LIMS2: variants seen among roughly 807,000 people sequenced by gnomAD.
LIMS2 encodes LIM zinc finger domain containing 2.
A neutral mutation model predicts 45.3 loss-of-function variants in LIMS2; 30 were observed. The observed-to-expected ratio is 0.66, with a 90% CI of 0.50 to 0.90. The LOEUF is 0.90. Ranked by LOEUF, LIMS2 falls within the 40% of genes least tolerant of loss-of-function variation. The pLI is 0.00. For synonymous variants in LIMS2, 173 were observed against 188.0 expected, an observed-to-expected ratio of 0.92 and a Z score of 0.65; for missense variants, 485 against 468.7, an observed-to-expected ratio of 1.03 and a Z score of -0.32.
At chr2:127,648,764 T>C (rs979921758) in intron 4 of LIMS2, among the ~76,000 whole-genome samples, 1 of 151,200 alleles carries the variant, frequency 6.6e-6, no homozygotes, top group Non-Finnish European at 1.5e-5. Flanking sequence ...TACCAAAAAA[T>C]ACAAAAATTA....
At chr2:127,661,218 C>T (rs1684631216) in intron 1 of LIMS2, among the ~76,000 whole-genome samples, 1 of 152,202 alleles carries the variant, frequency 6.6e-6, no homozygotes, top group Non-Finnish European at 1.5e-5. Flanking sequence ...CAGCCTGGGA[C>T]CTGGAGAGAG....
rs377569712 is a variant in LIMS2 at position 127,653,666 on chromosome 2, G to C, written c.359+758C>G. Among the ~76,000 whole-genome samples, 3 of 152,050 alleles carry C rather than the reference G, an allele frequency of 2.0e-5. 1 individual carries two copies. Among genetic ancestry groups the C allele is most frequent in the African/African-American group, 7.3e-5 (3 of 41,376 alleles). On this transcript the variant is annotated intron_variant, in intron 4 of 9. Coordinates refer to ENST00000355119, the MANE Select transcript of LIMS2 (RefSeq NM_001161403.3). This position sits in a 1 kb window ranked among gnomAD's most constrained non-coding sequence, Gnocchi z 5.3. ...AACTCAGGGTCCCGGGTGCCAGAAGGGGGGCGTTTCTGCACCTCAGCAGCT... is the reference window on the plus strand; with the variant it reads ...AACTCAGGGTCCCGGGTGCCAGAAGCGGGGCGTTTCTGCACCTCAGCAGCT...
At chr2:127,656,968 G>A (rs1477820797) in intron 2 of LIMS2, among the ~76,000 whole-genome samples, 1 of 152,174 alleles carries the variant, frequency 6.6e-6, no homozygotes, top group Non-Finnish European at 1.5e-5. Context: ...GGTGCCCTCT[G>A]CCCAGTATGT....
chr2:127,651,225 G>A, intron 4 of LIMS2: 1 of 1,608,184 alleles, frequency 6.2e-7, no homozygotes, highest in Middle Eastern at 1.7e-4. Flanking sequence ...TGTGGCCATG[G>A]CCCCGCTGCT....
At position 127,640,232 on chromosome 2, in the gene LIMS2, A is replaced by C. The variant is rs149020547; in HGVS notation, c.802+38T>G. 5.9e-4 allele frequency: 955 copies of C among 1,612,778 alleles called. 12 individuals are homozygous for C. In the East Asian group the frequency reaches 0.019, roughly 33 times the overall value. ...ACAGCTGCAGCACCCAGGCCCCAGG[A>C]GAGCAGGTGGGGTGGGGGAGGGAAC... is the stretch of plus-strand genomic sequence containing the variant. On this transcript the variant is annotated intron_variant, in intron 8 of 9. Coordinates refer to ENST00000355119, the MANE Select transcript of LIMS2 (RefSeq NM_001161403.3).
chr2:127,672,329 C>A lies in LIMS2; in HGVS notation c.11+2685G>T, dbSNP rs939677951. ...TCCCTGAGTTGCTGCTGAGGCCGAGCCCCCTCTCTTCCCACGGCGTGCCAC... is the reference window on the plus strand; with the variant it reads ...TCCCTGAGTTGCTGCTGAGGCCGAGACCCCTCTCTTCCCACGGCGTGCCAC... On this transcript the variant is annotated intron_variant, in intron 1 of 9. Coordinates refer to ENST00000355119, the MANE Select transcript of LIMS2 (RefSeq NM_001161403.3). The surrounding 1 kb of genome is among the most constrained non-coding windows in gnomAD (Gnocchi z 4.9). Among the ~76,000 whole-genome samples, 4 of 152,140 alleles carry A rather than the reference C, an allele frequency of 2.6e-5. No homozygotes were observed. Among genetic ancestry groups the A allele is most frequent in the African/African-American group, 9.7e-5 (4 of 41,406 alleles).
At chr2:127,648,984 GA>G (rs1176595612) in intron 4 of LIMS2, among the ~76,000 whole-genome samples, 211 of 24,256 alleles carry the variant, frequency 8.7e-3, no homozygotes, top group Non-Finnish European at 0.012. Context: ...GGAGGGAGGG[GA>G]GGGGAGGGAG....
At chr2:127,650,101 C>T (rs370188760) in intron 4 of LIMS2, 140 of 1,585,428 alleles carry the variant, frequency 8.8e-5, no homozygotes, top group African/African-American at 3.5e-4. Context: ...AGACCTCTGA[C>T]GTCCCAGGGT....
rs147650617 is a variant in LIMS2, at chr2:127,672,001, C to T, written c.11+3013G>A. The stretch of plus-strand genomic sequence containing the variant: ...GGGGCAAGATTGGTGGATATGAGGG[C>T]AGGGATCTAGCAGCCTGCTCTGCGC... On this transcript the variant is annotated intron_variant, in intron 1 of 9. Transcript: ENST00000355119. This position sits in a 1 kb window ranked among gnomAD's most constrained non-coding sequence, Gnocchi z 4.9. 2.6e-4 allele frequency among the ~76,000 whole-genome samples: 40 copies of T among 152,344 alleles called. No individual in the cohort carries two copies. The highest frequency in any genetic ancestry group is 9.6e-4 in the African/African-American group (40 of 41,584).
Position 127,647,804 on chromosome 2 carries a change from G to T in LIMS2, c.360-4732C>A, listed in dbSNP as rs534477403. ...TCTGCCCTGGAGCCCTGTTCCTCCA[G>T]TCTCCGGGTCCTCACCCCCAGCACA... On this transcript the variant is annotated intron_variant, in intron 4 of 9. Transcript: ENST00000355119. This position sits in a 1 kb window ranked among gnomAD's most constrained non-coding sequence, Gnocchi z 4.3. 1.2e-3 allele frequency among the ~76,000 whole-genome samples: 177 copies of T among 152,046 alleles called. No homozygotes were observed. The highest frequency in any genetic ancestry group is 1.8e-3 in the Non-Finnish European group (120 of 67,970).
chr2:127,662,509 C>T (rs1684734134), intron 1 of LIMS2, among the ~76,000 whole-genome samples: 1 of 151,806 alleles, frequency 6.6e-6, no homozygotes, highest in African/African-American at 2.4e-5. Flanking sequence ...GTACAAAAAG[C>T]CAGCCCACCA....
At chr2:127,669,032 G>A (rs1397318235) in intron 1 of LIMS2, among the ~76,000 whole-genome samples, 3 of 152,110 alleles carry the variant, frequency 2.0e-5, no homozygotes, top group African/African-American at 7.2e-5. Context: ...GGTTGAGACT[G>A]CAATGTACCA....
chr2:127,663,422 G>A (rs1419421244), intron 1 of LIMS2, among the ~76,000 whole-genome samples: 3 of 152,148 alleles, frequency 2.0e-5, no homozygotes, highest in Admixed American at 6.5e-5. Flanking sequence ...CCCTCCACTC[G>A]GTGCCCTCCT....
At chr2:127,648,817 A>G (rs1368333992) in intron 4 of LIMS2, among the ~76,000 whole-genome samples, 1 of 150,652 alleles carries the variant, frequency 6.6e-6, no homozygotes, top group East Asian at 2.0e-4. Context: ...GCTATTCAGG[A>G]GGTTGAGGTG....
At chr2:127,677,005 T>C (rs550883423), upstream of LIMS2, among the ~76,000 whole-genome samples, 3 of 152,314 alleles carry the variant, frequency 2.0e-5, no homozygotes, top group South Asian at 6.2e-4. The surrounding 1 kb of genome is among the most constrained non-coding windows in gnomAD (Gnocchi z 5.0). Context: ...CGGATCTGTA[T>C]GTGGCCAAAC....
chr2:127,679,155 G>C (rs1394485872), upstream of LIMS2, among the ~76,000 whole-genome samples: 2 of 152,168 alleles, frequency 1.3e-5, no homozygotes, highest in East Asian at 3.9e-4. The surrounding 1 kb of genome is among the most constrained non-coding windows in gnomAD (Gnocchi z 5.3). Context: ...GTCCCTTGGA[G>C]TGAGGGGCCT....
At chr2:127,678,320 G>C (rs1434382330), upstream of LIMS2, among the ~76,000 whole-genome samples, 1 of 152,144 alleles carries the variant, frequency 6.6e-6, no homozygotes, top group Non-Finnish European at 1.5e-5. This position sits in a 1 kb window ranked among gnomAD's most constrained non-coding sequence, Gnocchi z 5.3. Flanking sequence ...GATGGGTAAA[G>C]GGAAGGACAG....
At chr2:127,673,632 C>G in intron 1 of LIMS2, 7 of 1,539,192 alleles carry the variant, frequency 4.5e-6, no homozygotes, top group Non-Finnish European at 5.3e-6. Flanking sequence ...CGGCTCTGTT[C>G]TCCTCGACAT....
intron 6 of LIMS2, chr2:127,641,267 AG>A: frequency 3.2e-6 from 1 of 315,612 alleles, no homozygotes; most frequent in Non-Finnish European, 6.0e-6. Flanking sequence ...TAACCTTGTG[AG>A]TCACCATCCC....
Sources: allele counts gnomAD v4.1 joint callset (sites outside exome capture counted in the v4.1 genomes callset), GRCh38; gene constraint gnomAD v4.1.1; non-coding constraint Gnocchi (gnomAD v3.1); transcripts MANE v1.5; gene names NCBI Gene and HGNC (gene_info 2026-07-23, HGNC 2026-07-21).